ASAH1: variants seen among roughly 807,000 people sequenced by gnomAD.
The protein encoded by ASAH1 is N-acylsphingosine amidohydrolase 1, also known as acid ceramidase.
Under a neutral mutation model 59.5 loss-of-function variants are expected in ASAH1, and 70 were observed. The ratio of observed to expected loss-of-function variants is 1.18; its 90% CI spans 0.97 to 1.43. The LOEUF (loss-of-function observed/expected upper bound fraction) is 1.43. Ranked by LOEUF, ASAH1 falls within the 40% of genes most tolerant of loss-of-function variation. The pLI is 0.00. For synonymous variants in ASAH1, 213 were observed against 166.5 expected (o/e 1.28, Z -2.15); for missense variants, 660 against 482.5 (o/e 1.37, Z -3.45).
rs1162849637 is a variant in ASAH1, at chr8:18,083,946, CG to C, written c.78+34del. 3 of 1,588,004 alleles carry C rather than the reference CG, an allele frequency of 1.9e-6. No individual in the cohort carries two copies. The East Asian group carries it at 6.8e-5, about 36-fold the overall frequency. ...GCCTCCATCCGCGCCCGCACCTGCA[CG>C]CCCCTCTCTGCGCCTCGGCTCAAGC... On this transcript the variant is annotated intron_variant, in intron 1 of 13. Transcript: ENST00000637790.
chr8:18,073,138 T>C, intron 2 of ASAH1: 1 of 999,654 alleles, frequency 1.0e-6, no homozygotes, highest in South Asian at 1.5e-5. Flanking sequence ...CAAATTATTT[T>C]AATGACTAAA....
At chr8:18,080,430 T>A (rs544219105) in intron 1 of ASAH1, among the ~76,000 whole-genome samples, 6 of 152,118 alleles carry the variant, frequency 3.9e-5, no homozygotes, top group Non-Finnish European at 8.8e-5. Flanking sequence ...CCAACACTGC[T>A]CCAGTCGAGG....
At chr8:18,067,633 C>T (rs1440071336) in intron 4 of ASAH1, 2 of 160,208 alleles carry the variant, frequency 1.2e-5, no homozygotes, top group African/African-American at 4.8e-5. Context: ...CTGACCCACA[C>T]CACAAAAACA....
chr8:18,068,815 A>C (rs1385797096), intron 4 of ASAH1: 1 of 152,730 alleles, frequency 6.5e-6, no homozygotes, highest in Non-Finnish European at 1.5e-5. Context: ...GAATGTAGAC[A>C]AGCCCACGAC....
intron 2 of ASAH1, 77 bp downstream of exon 2, chr8:18,075,464 G>A (rs1269120212): frequency 1.6e-5 from 22 of 1,405,604 alleles, no homozygotes; most frequent in South Asian, 2.3e-5. Context: ...ACTATCGTTC[G>A]TTTATGAGCA....
Position 18,058,819 on chromosome 8 carries a change from A to G in ASAH1, c.1098+16T>C, listed in dbSNP as rs766965374. 5.6e-6 allele frequency: 9 copies of G among 1,598,892 alleles called. No homozygotes were observed. The African/African-American group carries it at 6.7e-5, about 12-fold the overall frequency. On this transcript the variant is annotated intron_variant, in intron 13 of 13. Transcript: ENST00000637790. ...CTTTCCCTAAAAGGCAAATATACAT[A>G]TAACATTTAAAATACCTTGTTGAGG...
chr8:18,067,416 T>G (rs1799979532), intron 4 of ASAH1, 118 bp from the exon 5 acceptor site: 5 of 553,796 alleles, frequency 9.0e-6, no homozygotes. Flanking sequence ...GACATATAAT[T>G]TTTTCTAGAT....
chr8:18,071,535 T>A, intron 2 of ASAH1, 145 bp from the exon 3 acceptor site: 1 of 614,242 alleles, frequency 1.6e-6, no homozygotes, highest in South Asian at 1.6e-5. Context: ...GAAAGAAAGT[T>A]CATTCTCTAC....
upstream of ASAH1, chr8:18,084,898 A>T (rs1439354339): frequency 3.9e-6 from 6 of 1,530,350 alleles, no homozygotes; most frequent in Admixed American, 1.9e-5. Flanking sequence ...CGGCAGGGGG[A>T]CTCGCTTGGC....
upstream of ASAH1, chr8:18,084,915 G>GCCC: frequency 6.8e-7 from 1 of 1,461,514 alleles, no homozygotes; most frequent in Non-Finnish European, 9.3e-7. Flanking sequence ...TGGCTTTCGT[G>GCCC]CCATCCGTGG....
At chr8:18,084,623 G>A (rs553304844), upstream of ASAH1, 3 of 1,609,522 alleles carry the variant, frequency 1.9e-6, no homozygotes, top group East Asian at 2.2e-5. Context: ...GAGTGGCCGA[G>A]GAGTGAGAGA....
At position 18,071,406 on chromosome 8, in the gene ASAH1, T is replaced by A; in HGVS notation, c.126-16A>T. 6.6e-7 allele frequency: 1 copy of A among 1,507,810 alleles called. No individual in the cohort carries two copies. Among genetic ancestry groups the A allele is most frequent in the South Asian group, 1.2e-5 (1 of 86,276 alleles). 93.4% of individuals were successfully genotyped at this position (1,507,810 alleles called of 1,614,324 possible). A position where few individuals can be genotyped will look rare whatever the true frequency, so the allele number is the denominator to read the frequency against. On this transcript the variant is annotated splice_polypyrimidine_tract_variant and intron_variant, in intron 2 of 13. Coordinates refer to ENST00000637790, the MANE Select transcript of ASAH1 (RefSeq NM_177924.5). ...ACCTCTGTACCTGTAATGAGAGGTGTATCATCTTGAAATGATGAAAGGGTT... is the reference window on the plus strand; with the variant it reads ...ACCTCTGTACCTGTAATGAGAGGTGAATCATCTTGAAATGATGAAAGGGTT...
At chr8:18,075,728 G>C (rs959131380) in intron 1 of ASAH1, 141 bp from the exon 2 acceptor site, 2 of 730,980 alleles carry the variant, frequency 2.7e-6, no homozygotes, top group Admixed American at 5.2e-5. Flanking sequence ...CTTAAAATAA[G>C]TCTTTTCTTT....
chr8:18,067,120 A>T, intron 5 of ASAH1, 100 bp downstream of exon 5: 2 of 531,756 alleles, frequency 3.8e-6, no homozygotes, highest in Non-Finnish European at 5.2e-6. Context: ...CTGTATATCT[A>T]AGACATACAG....
chr8:18,066,746 C>A (rs1381344912), intron 5 of ASAH1: 1 of 158,702 alleles, frequency 6.3e-6, no homozygotes, highest in African/African-American at 2.4e-5. Flanking sequence ...AAAATGAGTA[C>A]CCAGACACCC....
intron 3 of ASAH1, among the ~76,000 whole-genome samples, 172 bp from the exon 4 acceptor site, chr8:18,070,050 G>A (rs1055510856): frequency 1.3e-5 from 2 of 151,848 alleles, no homozygotes; most frequent in African/African-American, 2.4e-5. Context: ...GCACCATCTC[G>A]GCTCACTGCA....
intron 1 of ASAH1, among the ~76,000 whole-genome samples, chr8:18,078,452 AAAT>A (rs1350096349): frequency 6.6e-6 from 1 of 152,194 alleles, no homozygotes; most frequent in Non-Finnish European, 1.5e-5. Context: ...GTGTGACAGA[AAAT>A]AAGAAAGTTG....
upstream of ASAH1, chr8:18,084,263 A>AAG (rs1206070629): frequency 2.1e-6 from 3 of 1,450,560 alleles, no homozygotes; most frequent in Non-Finnish European, 2.7e-6. Flanking sequence ...GGCGTAGAGA[A>AAG]AGAGAGAGAG....
rs2117018557 is a variant in ASAH1 at position 18,059,599 on chromosome 8, T to C, written c.890A>G (p.Asp297Gly). 2 of 1,614,196 alleles carry C rather than the reference T, an allele frequency of 1.2e-6. No individual in the cohort carries two copies. The highest frequency in any genetic ancestry group is 1.7e-6 in the Non-Finnish European group (2 of 1,180,016). The change falls in exon 11 of 14, where the codon GAC becomes GGC. Residue 297 changes from aspartate (D) to glycine (G), a missense_variant. Asp to Gly is a moderately conservative substitution (Grantham distance 94, BLOSUM62 -1). Coordinates refer to ENST00000637790, the MANE Select transcript of ASAH1 (RefSeq NM_177924.5). ...ATATACATCCAATGATTCCTTTCTG[T>C]CTCGTGTAATCACACAACCTTCCCC... ...QSGEGCVITR[D>G]RKESLDVYEL... is the part of the protein sequence containing the mutation.
Sources: gnomAD v4.1 joint callset for allele counts (sites outside exome capture counted in the v4.1 genomes callset) on GRCh38, gnomAD v4.1.1 for gene constraint, MANE v1.5 for transcripts, NCBI Gene and HGNC (gene_info 2026-07-23, HGNC 2026-07-21) for gene names.